NAGK: variants seen among roughly 807,000 people sequenced by gnomAD.
NAGK encodes N-acetylglucosamine kinase, also known as N-acetyl-D-glucosamine kinase.
In NAGK, 35 loss-of-function variants were observed where a neutral mutation model predicts 42.9. The ratio of observed to expected loss-of-function variants is 0.82; its 90% confidence interval spans 0.62 to 1.08. NAGK has a LOEUF of 1.08. Ranked by LOEUF, NAGK falls within the 50% of genes least tolerant of loss-of-function variation. The probability of loss-of-function intolerance (pLI) is 0.00; values close to 1 mark genes in which losing one functional copy is unlikely to be tolerated. For synonymous variants in NAGK, 172 were observed against 176.0 expected (o/e 0.98, Z 0.18); for missense variants, 446 against 446.0 (o/e 1.00, Z 0.00).
intron 6 of NAGK, chr2:71,074,932 AT>A (rs1225948904): frequency 5.9e-5 from 9 of 152,298 alleles, no homozygotes; most frequent in South Asian, 4.1e-4. Context: ...AATAAAAAAA[AT>A]ATTCTGGGGA....
intron 5 of NAGK, chr2:71,073,089 A>T: frequency 2.2e-6 from 1 of 452,724 alleles, no homozygotes; most frequent in Non-Finnish European, 4.1e-6. Flanking sequence ...CTGCTAGGGG[A>T]AAGGGTGTAG....
intron 5 of NAGK, chr2:71,073,070 C>T (rs893796984): frequency 8.7e-6 from 4 of 461,998 alleles, no homozygotes; most frequent in Non-Finnish European, 1.6e-5. Flanking sequence ...CAGGAGATGC[C>T]ATACCAGTCT....
rs142872700 is a variant in NAGK, at chr2:71,076,631, G to T, written c.695G>T (p.Arg232Leu). ...EGAQQGDPLS[R>L]YIFRKAGEML... ...GCTCAGCAGGGAGACCCCCTTTCCCGCTATATCTTCAGGAAGGCTGGGGAG... is the reference window on the plus strand; with the variant it reads ...GCTCAGCAGGGAGACCCCCTTTCCCTCTATATCTTCAGGAAGGCTGGGGAG... The change falls in exon 8 of 10, where the codon CGC becomes CTC. Residue 232 changes from arginine to leucine, a missense_variant. Coordinates refer to ENST00000244204, the MANE Select transcript of NAGK (RefSeq NM_017567.6). 1.2e-6 allele frequency: 2 copies of T among 1,613,596 alleles called. No individual in the cohort carries two copies. The highest frequency in any genetic ancestry group is 1.7e-6 in the Non-Finnish European group (2 of 1,179,728).
chr2:71,075,236 G>A (rs972236191), intron 6 of NAGK: 8 of 226,112 alleles, frequency 3.5e-5, no homozygotes, highest in Non-Finnish European at 6.1e-5. Context: ...CTAGGCAACA[G>A]CAAGACCTTG....
chr2:71,071,365 C>T, intron 3 of NAGK: 1 of 354,416 alleles, frequency 2.8e-6, no homozygotes, highest in Non-Finnish European at 5.2e-6. Flanking sequence ...CTCGTGTATA[C>T]CAAACCAAGC....
At chr2:71,071,420 T>C (rs1671996627) in intron 3 of NAGK, 1 of 448,448 alleles carries the variant, frequency 2.2e-6, no homozygotes, top group African/African-American at 2.0e-5. Flanking sequence ...TGCCTGATCT[T>C]TCTGTTAAGA....
intron 4 of NAGK, 47 bp from the exon 5 acceptor site, chr2:71,072,594 C>T (rs1672057227): frequency 6.6e-7 from 1 of 1,513,638 alleles, no homozygotes; most frequent in Non-Finnish European, 9.2e-7. Flanking sequence ...AGCTGTTGCT[C>T]TGTGCCAGGC....
At chr2:71,075,726 C>T (rs1350083763) in intron 7 of NAGK, 84 bp downstream of exon 7, 9 of 1,339,154 alleles carry the variant, frequency 6.7e-6, no homozygotes, top group Admixed American at 5.4e-5. Context: ...TCAGACAGGA[C>T]TGACAACAAT....
intron 8 of NAGK, among the ~76,000 whole-genome samples, chr2:71,077,009 G>C (rs1482166448): frequency 2.0e-5 from 3 of 151,886 alleles, no homozygotes; most frequent in Non-Finnish European, 4.4e-5. Flanking sequence ...TGTCAGCCAG[G>C]CTGGAGTGCA....
chr2:71,070,364 G>A, intron 1 of NAGK, 138 bp from the exon 2 acceptor site: 1 of 624,744 alleles, frequency 1.6e-6, no homozygotes, highest in Non-Finnish European at 2.8e-6. Flanking sequence ...AACCACAGAG[G>A]CGGGTTTGGG....
chr2:71,076,014 T>C (rs1672199793), intron 7 of NAGK: 2 of 264,764 alleles, frequency 7.6e-6, no homozygotes, highest in Non-Finnish European at 1.5e-5. Context: ...TTTTGTTGGG[T>C]GTCAGGAGAT....
chr2:71,070,163 C>T lies in NAGK; in HGVS notation c.30-339C>T, dbSNP rs1671945265. 1.0e-5 allele frequency: 3 copies of T among 287,418 alleles called. No individual in the cohort carries two copies. In the Admixed American group the frequency reaches 1.5e-4, roughly 14 times the overall value. The allele number at this position is 287,418 out of a possible 1,614,324, so 17.8% of individuals were successfully genotyped here. A position where few individuals can be genotyped will look rare whatever the true frequency, so the allele number is the denominator to read the frequency against. On this transcript the variant is annotated intron_variant, in intron 1 of 9. Transcript: ENST00000244204. ...GAACACACACTTCATACAGAGGAGA[C>T]TTTAATAACTTTGGAGGCACTATGA...
intron 3 of NAGK, 27 bp from the exon 4 acceptor site, chr2:71,071,659 C>T (rs1172765482): frequency 6.3e-7 from 1 of 1,598,940 alleles, no homozygotes; most frequent in East Asian, 2.3e-5. Flanking sequence ...GGGCTCTGCA[C>T]ACTCGCTCAC....
intron 6 of NAGK, among the ~76,000 whole-genome samples, chr2:71,073,967 C>A (rs1366466887): frequency 2.6e-5 from 4 of 152,140 alleles, no homozygotes; most frequent in Non-Finnish European, 5.9e-5. Context: ...AATGTGTGCA[C>A]TGGGCTGTGA....
Position 71,077,612 on chromosome 2 carries a change from A to C in NAGK, c.820A>C (p.Lys274Gln). The C allele has an allele frequency of 6.2e-7, 1 of 1,608,732 alleles. No individual in the cohort carries two copies. Among genetic ancestry groups the C allele is most frequent in the Non-Finnish European group, 8.5e-7 (1 of 1,177,600 alleles). Reference sequence around the variant, plus strand: ...CATCCTGTGCGTGGGCTCTGTGTGGAAGAGCTGGGAGCTGCTGAAGGAAGG... The same window carrying C: ...CATCCTGTGCGTGGGCTCTGTGTGGCAGAGCTGGGAGCTGCTGAAGGAAGG... ...LPILCVGSVW[K>Q]SWELLKEGFL... The change falls in exon 9 of 10, where the codon AAG becomes CAG. Residue 274 changes from lysine (K) to glutamine (Q), a missense_variant. Transcript: ENST00000244204.
chr2:71,070,740 G>A lies in NAGK; in HGVS notation c.115-1G>A. 2 of 1,614,208 alleles carry A rather than the reference G, an allele frequency of 1.2e-6. No individual in the cohort carries two copies. The highest frequency in any genetic ancestry group is 4.5e-5 in the East Asian group (2 of 44,888). ...CTCCTTCTTCCCTTGATTGGGGCCA[G>A]CTGATCGGGACAGACAAGTGTGTGG... On this transcript the variant is annotated splice_acceptor_variant, in intron 2 of 9. Transcript: ENST00000244204. LOFTEE classifies it high-confidence loss of function.
intron 8 of NAGK, 141 bp from the exon 9 acceptor site, chr2:71,077,417 T>TC (rs748181128): frequency 9.6e-6 from 7 of 731,762 alleles, no homozygotes; most frequent in South Asian, 1.8e-5. Context: ...CCTTTTTTTT[T>TC]CCCCTTTCCT....
At chr2:71,076,504 T>C in intron 7 of NAGK, 100 bp from the exon 8 acceptor site, 1 of 915,138 alleles carries the variant, frequency 1.1e-6, no homozygotes, top group African/African-American at 1.7e-5. Flanking sequence ...TAGCTCAGGG[T>C]GCTCCTGTGA....
intron 5 of NAGK, chr2:71,073,000 G>A (rs1008439380): frequency 5.5e-6 from 3 of 540,744 alleles, no homozygotes; most frequent in Non-Finnish European, 1.0e-5. Context: ...ACAGGGGCCT[G>A]CCTGTGTTGA....
Sources: allele counts gnomAD v4.1 joint callset (sites outside exome capture counted in the v4.1 genomes callset), GRCh38; gene constraint gnomAD v4.1.1; transcripts MANE v1.5; gene names NCBI Gene and HGNC (gene_info 2026-07-23, HGNC 2026-07-21).